TMEM132C: variants seen among roughly 807,000 people sequenced by gnomAD.
TMEM132C encodes protein phosphatase 1, regulatory subunit 152.
TMEM132C carries 29 observed loss-of-function variants against 61.4 expected under a neutral mutation model. The ratio of observed to expected loss-of-function variants is 0.47; its 90% CI spans 0.35 to 0.64. The LOEUF is 0.64. TMEM132C is among the 30% of genes least tolerant of loss of function. The pLI, the probability that TMEM132C is intolerant of heterozygous loss-of-function variation, is 0.00. For synonymous variants in TMEM132C, 656 were observed against 633.1 expected (o/e 1.04, Z -0.54); for missense variants, 1,408 against 1,476.9 (o/e 0.95, Z 0.76).
chr12:128,305,890 G>C (rs1012005626), intron 1 of TMEM132C, among the ~76,000 whole-genome samples: 5 of 152,124 alleles, frequency 3.3e-5, no homozygotes, highest in Non-Finnish European at 5.9e-5. Context: ...ACTGACGGTA[G>C]CCTGGTGATA....
intron 1 of TMEM132C, among the ~76,000 whole-genome samples, chr12:128,372,714 T>G (rs1351603075): frequency 2.0e-5 from 3 of 152,012 alleles, no homozygotes; most frequent in Non-Finnish European, 2.9e-5. Context: ...AGAGAGAAGT[T>G]GGAACTGAAA....
chr12:128,361,638 A>G (rs1330430029), intron 1 of TMEM132C, among the ~76,000 whole-genome samples: 1 of 148,008 alleles, frequency 6.8e-6, no homozygotes, highest in African/African-American at 2.5e-5. Context: ...ACTGAAACAT[A>G]TTTCTCCAAA....
chr12:128,314,659 GAC>G (rs1872087171), intron 1 of TMEM132C, among the ~76,000 whole-genome samples: 1 of 152,158 alleles, frequency 6.6e-6, no homozygotes, highest in Non-Finnish European at 1.5e-5. Context: ...AGGAGACAGA[GAC>G]ACACAGAAAA....
At chr12:128,360,898 C>T (rs2135971997) in intron 1 of TMEM132C, among the ~76,000 whole-genome samples, 1 of 152,298 alleles carries the variant, frequency 6.6e-6, no homozygotes, top group Admixed American at 6.5e-5. Flanking sequence ...AAAGTTGTTT[C>T]TATTTGCTTG....
chr12:128,335,304 G>A (rs924181923), intron 1 of TMEM132C, among the ~76,000 whole-genome samples: 3 of 152,072 alleles, frequency 2.0e-5, no homozygotes, highest in African/African-American at 7.2e-5. Context: ...ATTCACGAAA[G>A]CATCCTCATC....
chr12:128,556,751 C>G (rs866008989), intron 3 of TMEM132C, among the ~76,000 whole-genome samples: 24 of 152,044 alleles, frequency 1.6e-4, no homozygotes, highest in African/African-American at 5.1e-4. Flanking sequence ...TGAGGAAGCC[C>G]AACTATCCCA....
intron 5 of TMEM132C, among the ~76,000 whole-genome samples, chr12:128,675,341 G>GA (rs1432990859): frequency 2.6e-5 from 4 of 152,176 alleles, no homozygotes; most frequent in Non-Finnish European, 4.4e-5. Context: ...TCTTATAGTA[G>GA]AAAAAAACTG....
intron 1 of TMEM132C, among the ~76,000 whole-genome samples, chr12:128,279,288 T>A (rs1279431592): frequency 6.6e-6 from 1 of 152,152 alleles, no homozygotes; most frequent in African/African-American, 2.4e-5. Flanking sequence ...TCATTTTTTT[T>A]ATTATTATTA....
chr12:128,695,252 G>C (rs980974539), intron 6 of TMEM132C, among the ~76,000 whole-genome samples: 28 of 152,184 alleles, frequency 1.8e-4, no homozygotes, highest in African/African-American at 6.5e-4. Context: ...GGGTGTGGTA[G>C]TTCAGGACTG....
chr12:128,481,052 C>G (rs567779876), intron 2 of TMEM132C, among the ~76,000 whole-genome samples: 6 of 152,050 alleles, frequency 3.9e-5, no homozygotes, highest in African/African-American at 1.4e-4. Context: ...ACTGAAGACG[C>G]GAATGAACAG....
intron 1 of TMEM132C, among the ~76,000 whole-genome samples, chr12:128,268,252 A>G (rs997626976): frequency 7.9e-5 from 12 of 152,146 alleles, no homozygotes; most frequent in African/African-American, 2.9e-4. Context: ...GGTTGGAGGA[A>G]TTTAAAGGAG....
intron 4 of TMEM132C, among the ~76,000 whole-genome samples, chr12:128,664,925 A>G (rs1954440827): frequency 1.3e-5 from 2 of 152,182 alleles, no homozygotes; most frequent in African/African-American, 2.4e-5. Flanking sequence ...AGATGCAAAG[A>G]ACTCTGTAGG....
chr12:128,478,669 C>G (rs1225164087), intron 2 of TMEM132C, among the ~76,000 whole-genome samples: 1 of 152,228 alleles, frequency 6.6e-6, no homozygotes, highest in East Asian at 1.9e-4. Flanking sequence ...GACAAGTCCT[C>G]TGGCTTCAAG....
At chr12:128,301,287 C>T (rs1871588301) in intron 1 of TMEM132C, among the ~76,000 whole-genome samples, 1 of 152,178 alleles carries the variant, frequency 6.6e-6, no homozygotes, top group Admixed American at 6.5e-5. Context: ...GTTGCCTCAT[C>T]CCAGTTAGCT....
intron 2 of TMEM132C, among the ~76,000 whole-genome samples, chr12:128,462,905 T>A (rs1461174023): frequency 6.6e-6 from 1 of 152,188 alleles, no homozygotes; most frequent in Non-Finnish European, 1.5e-5. Flanking sequence ...AATAGTGGGT[T>A]GTTTTTCTCA....
intron 1 of TMEM132C, among the ~76,000 whole-genome samples, chr12:128,314,364 G>C (rs1473092427): frequency 1.3e-5 from 2 of 152,108 alleles, no homozygotes; most frequent in East Asian, 3.9e-4. Flanking sequence ...TCTATTCGAG[G>C]CTGTTCAAAA....
chr12:128,440,755 A>T (rs1363730806), intron 2 of TMEM132C, among the ~76,000 whole-genome samples: 1 of 152,210 alleles, frequency 6.6e-6, no homozygotes, highest in East Asian at 1.9e-4. Flanking sequence ...TGGATATACA[A>T]AAAGCAAGAA....
At chr12:128,304,819 G>C (rs977493684) in intron 1 of TMEM132C, among the ~76,000 whole-genome samples, 1 of 152,144 alleles carries the variant, frequency 6.6e-6, no homozygotes, top group African/African-American at 2.4e-5. Context: ...GTGGATAAAG[G>C]TGCATCTGGC....
intron 4 of TMEM132C, among the ~76,000 whole-genome samples, chr12:128,620,565 T>C (rs2135586782): frequency 6.6e-6 from 1 of 152,290 alleles, no homozygotes; most frequent in African/African-American, 2.4e-5. Context: ...ACAAAGAAAC[T>C]AAATTTTAGG....
Sources: gnomAD v4.1 joint callset for allele counts (sites outside exome capture counted in the v4.1 genomes callset) on GRCh38, gnomAD v4.1.1 for gene constraint, MANE v1.5 for transcripts, NCBI Gene and HGNC (gene_info 2026-07-23, HGNC 2026-07-21) for gene names.